Variants in PRSS12 observed in about 807,000 individuals in gnomAD.
The protein encoded by PRSS12 is neurotrypsin.
A neutral mutation model predicts 104.4 loss-of-function variants in PRSS12; 85 were observed. That is an observed-to-expected ratio of 0.81 (90% CI 0.68 to 0.98). PRSS12 has a LOEUF of 0.98. PRSS12 is among the 50% of genes least tolerant of loss of function. The pLI, the probability that PRSS12 is intolerant of heterozygous loss-of-function variation, is 0.00. For missense variants in PRSS12, 1,141 were observed against 1,139.2 expected (o/e 1.00, Z -0.02); for synonymous variants, 454 against 425.2 (o/e 1.07, Z -0.83).
rs1724049480 is a variant in PRSS12 at position 118,335,760 on chromosome 4, A to G, written c.642-109T>C. On this transcript the variant is annotated intron_variant, in intron 2 of 12. Coordinates refer to ENST00000296498, the MANE Select transcript of PRSS12 (RefSeq NM_003619.4). ...AGAAATCAACAAAGATGAATATGGA[A>G]GAAACAAAGAAAGAAAGAAGAAAAA... The G allele has an allele frequency of 1.4e-5, 14 of 998,844 alleles. No homozygotes were observed. The South Asian group carries it at 1.6e-4, about 12-fold the overall frequency. The allele number at this position is 998,844 out of a possible 1,614,324, so 61.9% of individuals were successfully genotyped here.
chr4:118,324,956 G>A (rs575367693), intron 4 of PRSS12, among the ~76,000 whole-genome samples: 7 of 152,066 alleles, frequency 4.6e-5, no homozygotes, highest in South Asian at 2.1e-4. Flanking sequence ...TGATCCACCC[G>A]CCTCAGCCTC....
chr4:118,305,669 A>G (rs910214397), intron 8 of PRSS12, among the ~76,000 whole-genome samples: 1 of 152,170 alleles, frequency 6.6e-6, no homozygotes, highest in Non-Finnish European at 1.5e-5. Context: ...GAACACAAAT[A>G]AGATCTATAC....
At chr4:118,311,360 T>C (rs1419540523) in intron 7 of PRSS12, among the ~76,000 whole-genome samples, 3 of 152,074 alleles carry the variant, frequency 2.0e-5, no homozygotes, top group Non-Finnish European at 4.4e-5. Context: ...TCCCTTGACA[T>C]ATAAAGTTAA....
At chr4:118,305,303 T>C (rs541053657) in intron 8 of PRSS12, among the ~76,000 whole-genome samples, 114 of 152,108 alleles carry the variant, frequency 7.5e-4, no homozygotes, top group African/African-American at 2.5e-3. Flanking sequence ...CAATTTGTTA[T>C]AGTAACATTA....
intron 11 of PRSS12, among the ~76,000 whole-genome samples, chr4:118,285,109 AG>A (rs1306334351): frequency 6.6e-6 from 1 of 152,226 alleles, no homozygotes; most frequent in Non-Finnish European, 1.5e-5. Context: ...AGTGCAATAA[AG>A]ATGATTTGGC....
Position 118,311,563 on chromosome 4 carries a change from A to G in PRSS12, c.1489+1638T>C, listed in dbSNP as rs540398514. On this transcript the variant is annotated intron_variant, in intron 7 of 12. Coordinates refer to ENST00000296498, the MANE Select transcript of PRSS12 (RefSeq NM_003619.4). ...TAATAGGTGGAAGTAATGATCTATG[A>G]ATGAACAAATAGTAATATGATTCTA... 4.6e-5 allele frequency among the ~76,000 whole-genome samples: 7 copies of G among 152,260 alleles called. No individual in the cohort carries two copies. In the South Asian group the frequency reaches 1.2e-3, roughly 27 times the overall value.
intron 11 of PRSS12, among the ~76,000 whole-genome samples, chr4:118,285,724 T>C: frequency 6.6e-6 from 1 of 152,216 alleles, no homozygotes; most frequent in East Asian, 1.9e-4. Context: ...TCAACTTTTC[T>C]ATTAGTTACA....
At chr4:118,331,532 G>T (rs1723917274) in intron 4 of PRSS12, among the ~76,000 whole-genome samples, 184 bp downstream of exon 4, 1 of 152,144 alleles carries the variant, frequency 6.6e-6, no homozygotes, top group Admixed American at 6.5e-5. Context: ...ACACAAGCAG[G>T]TTAAACCTAC....
chr4:118,352,096 GCAAACGCAAGCCCA>G, intron 1 of PRSS12, 109 bp downstream of exon 1: 1 of 1,399,454 alleles, frequency 7.1e-7, no homozygotes, highest in Non-Finnish European at 9.6e-7. Flanking sequence ...ATCACAGCCC[GCAAACGCAAGCCCA>G]CAACCCCACA....
intron 8 of PRSS12, among the ~76,000 whole-genome samples, chr4:118,307,923 CA>C (rs1743598660): frequency 6.6e-6 from 1 of 151,980 alleles, no homozygotes; most frequent in Non-Finnish European, 1.5e-5. Flanking sequence ...TGGCACCACA[CA>C]GACTGTAAAA....
At chr4:118,284,344 C>T (rs942308689) in intron 11 of PRSS12, among the ~76,000 whole-genome samples, 3 of 152,162 alleles carry the variant, frequency 2.0e-5, no homozygotes, top group African/African-American at 7.2e-5. Context: ...CATGACACAA[C>T]CCATCTCCTA....
chr4:118,308,896 A>G (rs186678388), intron 7 of PRSS12, among the ~76,000 whole-genome samples: 87 of 152,188 alleles, frequency 5.7e-4, no homozygotes, highest in African/African-American at 2.0e-3. Context: ...ATTTTATTAC[A>G]CCTTACTTCT....
chr4:118,284,479 A>G (rs1742969933), intron 11 of PRSS12, among the ~76,000 whole-genome samples: 1 of 152,192 alleles, frequency 6.6e-6, no homozygotes, highest in Admixed American at 6.5e-5. Flanking sequence ...CTCATCTGCA[A>G]TGAGTGTATT....
intron 4 of PRSS12, among the ~76,000 whole-genome samples, chr4:118,327,066 G>A (rs1578928999): frequency 6.6e-6 from 1 of 152,164 alleles, no homozygotes; most frequent in African/African-American, 2.4e-5. Flanking sequence ...GTCTTGGGCT[G>A]CATATGGCCT....
chr4:118,326,599 C>T lies in PRSS12; in HGVS notation c.971+5117G>A, dbSNP rs368109192. Among the ~76,000 whole-genome samples, 8 of 152,322 alleles carry T rather than the reference C, an allele frequency of 5.3e-5. No homozygotes were observed. In the East Asian group the frequency reaches 1.5e-3, roughly 29 times the overall value. ...AGTCTATCTAAAACACGGTCACTAT[C>T]ATTTTCTTCTTAAATTTAACTTTCT... On this transcript the variant is annotated intron_variant, in intron 4 of 12. Coordinates refer to ENST00000296498, the MANE Select transcript of PRSS12 (RefSeq NM_003619.4).
intron 3 of PRSS12, among the ~76,000 whole-genome samples, chr4:118,334,130 A>G (rs1291638696): frequency 6.6e-6 from 1 of 152,202 alleles, no homozygotes; most frequent in Non-Finnish European, 1.5e-5. Flanking sequence ...TCAGCTATAC[A>G]ACTCCACATT....
rs149397609 is a variant in PRSS12, at chr4:118,346,275, G to A, written c.502+5944C>T. The stretch of plus-strand genomic sequence containing the variant: ...AACAATAAGCCTCCTTATTGTTTCC[G>A]TTTTCTATTCTTTGCTATCAAAACC... On this transcript the variant is annotated intron_variant, in intron 1 of 12. Coordinates refer to ENST00000296498, the MANE Select transcript of PRSS12 (RefSeq NM_003619.4). Among the ~76,000 whole-genome samples the A allele has an allele frequency of 5.4e-3, 825 of 152,000 alleles. 8 individuals are homozygous for A. The highest frequency in any genetic ancestry group is 0.018 in the African/African-American group (764 of 41,440).
At chr4:118,332,223 T>C (rs1463526766) in intron 3 of PRSS12, among the ~76,000 whole-genome samples, 1 of 152,202 alleles carries the variant, frequency 6.6e-6, no homozygotes, top group East Asian at 1.9e-4. Flanking sequence ...TTATTTACAG[T>C]AACTTGAGCA....
intron 3 of PRSS12, among the ~76,000 whole-genome samples, chr4:118,333,205 T>A (rs555915849): frequency 6.6e-6 from 1 of 152,184 alleles, no homozygotes. Flanking sequence ...CTAATTTTAC[T>A]AGAATAAAGG....
Sources: allele counts gnomAD v4.1 joint callset (sites outside exome capture counted in the v4.1 genomes callset), GRCh38; gene constraint gnomAD v4.1.1; transcripts MANE v1.5; gene names NCBI Gene and HGNC (gene_info 2026-07-23, HGNC 2026-07-21).